The following CHD3 variants were observed in gnomAD, a reference collection of about 807,000 sequenced individuals.
The protein encoded by CHD3 is chromodomain helicase DNA binding protein 3, also known as ATP-dependent chromatin remodeler CHD3.
Under a neutral mutation model 248.9 loss-of-function variants are expected in CHD3, and 52 were observed. The observed-to-expected ratio is 0.21, with a 90% CI of 0.17 to 0.26. The LOEUF is 0.26. Among genes scored for constraint, CHD3 ranks in the 10% least tolerant of loss-of-function variants. The pLI is 1.00. For missense variants in CHD3, 1,482 were observed against 2,605.8 expected (o/e 0.57, Z 9.39); for synonymous variants, 985 against 985.2 (o/e 1.00, Z 0.00).
chr17:7,900,215 A>T lies in CHD3; in HGVS notation c.2683-75A>T, dbSNP rs1970145136. On this transcript the variant is annotated intron_variant, in intron 16 of 39. Transcript: ENST00000330494. The surrounding 1 kb of genome is among the most constrained non-coding windows in gnomAD (Gnocchi z 6.5). ...GAGTGAAATGGGAGCTGGGGCAGGG[A>T]AAGGCTGATGCTGTGGGTCGGTCAC... 6.3e-7 allele frequency: 1 copy of T among 1,596,236 alleles called. No homozygotes were observed. The highest frequency in any genetic ancestry group is 8.6e-7 in the Non-Finnish European group (1 of 1,168,732).
rs201923001 is a variant in CHD3, at chr17:7,910,821, C to T, written c.5755-26C>T. On this transcript the variant is annotated intron_variant, in intron 38 of 39. Coordinates refer to ENST00000330494, the MANE Select transcript of CHD3 (RefSeq NM_001005273.3). This position sits in a 1 kb window ranked among gnomAD's most constrained non-coding sequence, Gnocchi z 4.7. ...CCTCTCACAGACTATGAACTAACTC[C>T]AACTTCTGCTTCCTCTCTGTTCCAG... 6.3e-7 allele frequency: 1 copy of T among 1,583,718 alleles called. No homozygotes were observed. Among genetic ancestry groups the T allele is most frequent in the East Asian group, 2.2e-5 (1 of 44,596 alleles).
chr17:7,884,802 A>G, upstream of CHD3: 2 of 613,242 alleles, frequency 3.3e-6, no homozygotes, highest in Non-Finnish European at 5.0e-6. Flanking sequence ...GGCCAGAGCC[A>G]CAGGATGGCT....
rs1048983306 is a variant in CHD3, at chr17:7,907,551, A to G, written c.4925-50A>G. ...TTTGGGATTTCCCTCTTCTGGGGTC[A>G]GGGGATGAGGGTAACATCCTCCCTT... On this transcript the variant is annotated intron_variant, in intron 32 of 39. Coordinates refer to ENST00000330494, the MANE Select transcript of CHD3 (RefSeq NM_001005273.3). The surrounding 1 kb of genome is among the most constrained non-coding windows in gnomAD (Gnocchi z 4.3). 3.9e-6 allele frequency: 6 copies of G among 1,527,920 alleles called. No homozygotes were observed. The highest frequency in any genetic ancestry group is 5.3e-6 in the Non-Finnish European group (6 of 1,138,284). 94.6% of individuals were successfully genotyped at this position (1,527,920 alleles called of 1,614,324 possible).
In CHD3 at chr17:7,904,683, C is replaced by A; in HGVS notation, c.4072+64C>A. On this transcript the variant is annotated intron_variant, in intron 25 of 39. Coordinates refer to ENST00000330494, the MANE Select transcript of CHD3 (RefSeq NM_001005273.3). The surrounding 1 kb of genome is among the most constrained non-coding windows in gnomAD (Gnocchi z 4.4). ...GTGATGATGAGTAGGGACTTGAAGG[C>A]TGGAGCTATTTAGAGGGAAAGAGAG... 6.9e-7 allele frequency: 1 copy of A among 1,443,834 alleles called. No individual in the cohort carries two copies. The highest frequency in any genetic ancestry group is 9.5e-7 in the Non-Finnish European group (1 of 1,049,870). 89.4% of individuals were successfully genotyped at this position (1,443,834 alleles called of 1,614,324 possible).
At position 7,889,793 on chromosome 17, in the gene CHD3, C is replaced by T. The variant is rs1968558553; in HGVS notation, c.213+17C>T. 6.3e-7 allele frequency: 1 copy of T among 1,595,640 alleles called. No homozygotes were observed. The highest frequency in any genetic ancestry group is 8.6e-7 in the Non-Finnish European group (1 of 1,167,966). On this transcript the variant is annotated intron_variant, in intron 2 of 39. Transcript: ENST00000330494. This position sits in a 1 kb window ranked among gnomAD's most constrained non-coding sequence, Gnocchi z 4.5. ...AAGAAGCGTGTAAGTGTCAAGAATT[C>T]CTAACTCTGTGGCAAGGCTCAAGAG...
chr17:7,892,775 G>C (rs1023553279), intron 4 of CHD3, among the ~76,000 whole-genome samples: 1 of 152,034 alleles, frequency 6.6e-6, no homozygotes, highest in Admixed American at 6.6e-5. Flanking sequence ...GATTACAGGC[G>C]TGAGCCACTG....
intron 4 of CHD3, 64 bp from the exon 5 acceptor site, chr17:7,893,222 G>A: frequency 6.7e-7 from 1 of 1,500,420 alleles, no homozygotes; most frequent in Non-Finnish European, 8.9e-7. Flanking sequence ...AATTGATGAG[G>A]GGAGATGGCA....
Position 7,908,366 on chromosome 17 carries a change from C to A in CHD3, c.5153-36C>A. ...GTTGGACTGAGTGCAGTCTGCAAAA[C>A]CCTGTTACCTCTTCTGTCTGCTGCC... On this transcript the variant is annotated intron_variant, in intron 34 of 39. Transcript: ENST00000330494. The surrounding 1 kb of genome is among the most constrained non-coding windows in gnomAD (Gnocchi z 5.8). 6.4e-7 allele frequency: 1 copy of A among 1,557,208 alleles called. No individual in the cohort carries two copies. Among genetic ancestry groups the A allele is most frequent in the Non-Finnish European group, 8.8e-7 (1 of 1,135,758 alleles).
chr17:7,893,148 A>G (rs1969127938), intron 4 of CHD3, 138 bp from the exon 5 acceptor site: 1 of 1,237,056 alleles, frequency 8.1e-7, no homozygotes, highest in Non-Finnish European at 1.1e-6. Context: ...ATTTTTTTAA[A>G]TGGCTGTTTT....
Position 7,903,107 on chromosome 17 carries a change from T to G in CHD3, c.3495+46T>G. 1 of 1,598,168 alleles carries G rather than the reference T, an allele frequency of 6.3e-7. No homozygotes were observed. Among genetic ancestry groups the G allele is most frequent in the Non-Finnish European group, 8.6e-7 (1 of 1,168,568 alleles). On this transcript the variant is annotated intron_variant, in intron 22 of 39. Coordinates refer to ENST00000330494, the MANE Select transcript of CHD3 (RefSeq NM_001005273.3). This position sits in a 1 kb window ranked among gnomAD's most constrained non-coding sequence, Gnocchi z 6.8. The stretch of plus-strand genomic sequence containing the variant: ...ACCCCTGCACCATTTAGCAAGGAGA[T>G]GTGGGTTCATGGAGGAGGGTGTCAT...
At position 7,889,711 on chromosome 17, in the gene CHD3, A is replaced by G; in HGVS notation, c.148A>G (p.Arg50Gly). ...GCCGTCAGCATTGGGTGTGAAGAAG[A>G]GAAAACGAGGACCCAAGAAGCAGAA... ...LLPSALGVKK[R>G]KRGPKKQKEN... The change falls in exon 2 of 40, where the codon AGA (arginine) becomes GGA (glycine). Residue 50 changes from arginine (R) to glycine (G), a missense_variant. Around this residue, in one of 20 missense-constraint regions of CHD3, gnomAD observed 169 missense variants for 168.1 expected, o/e 1.01. Transcript: ENST00000330494. This position sits in a 1 kb window ranked among gnomAD's most constrained non-coding sequence, Gnocchi z 4.5. 6.2e-7 allele frequency: 1 copy of G among 1,613,728 alleles called. No homozygotes were observed. Among genetic ancestry groups the G allele is most frequent in the African/African-American group, 1.3e-5 (1 of 75,046 alleles).
In CHD3 at chr17:7,905,225, T is replaced by TA; in HGVS notation, c.4138+62dup. The TA allele has an allele frequency of 6.6e-7, 1 of 1,505,294 alleles. No homozygotes were observed. Among genetic ancestry groups the TA allele is most frequent in the Non-Finnish European group, 9.3e-7 (1 of 1,080,940 alleles). The allele number at this position is 1,505,294 out of a possible 1,614,324, so 93.2% of individuals were successfully genotyped here. A position where few individuals can be genotyped will look rare whatever the true frequency, so the allele number is the denominator to read the frequency against. On this transcript the variant is annotated intron_variant, in intron 26 of 39. Coordinates refer to ENST00000330494, the MANE Select transcript of CHD3 (RefSeq NM_001005273.3). This position sits in a 1 kb window ranked among gnomAD's most constrained non-coding sequence, Gnocchi z 5.8. Reference sequence around the variant, plus strand: ...TCCCGTTTTATTTTCCAGTTTGCTTTAAGCCCACTGTTTTTATACAAGTAA... The same window carrying TA: ...TCCCGTTTTATTTTCCAGTTTGCTTTAAAGCCCACTGTTTTTATACAAGTAA...
In CHD3 at chr17:7,904,282, A is replaced by C. The variant is rs1266893936; in HGVS notation, c.3895-160A>C. 1 of 671,812 alleles carries C rather than the reference A, an allele frequency of 1.5e-6. No individual in the cohort carries two copies. The highest frequency in any genetic ancestry group is 2.6e-6 in the Non-Finnish European group (1 of 390,074). The allele number at this position is 671,812 out of a possible 1,614,324, so 41.6% of individuals were successfully genotyped here. ...GAGCACATTGCAGGTAAGAGATGGC[A>C]TGGAACATGCGCAATGTCCAGAAAA... On this transcript the variant is annotated intron_variant, in intron 24 of 39. Coordinates refer to ENST00000330494, the MANE Select transcript of CHD3 (RefSeq NM_001005273.3). The surrounding 1 kb of genome is among the most constrained non-coding windows in gnomAD (Gnocchi z 4.4).
In CHD3 at chr17:7,899,298, C is replaced by T. The variant is rs543383697; in HGVS notation, c.2344-45C>T. On this transcript the variant is annotated intron_variant, in intron 14 of 39. Transcript: ENST00000330494. This position sits in a 1 kb window ranked among gnomAD's most constrained non-coding sequence, Gnocchi z 6.8. ...GTAGCTGGCAGAGGACTAGGGTATA[C>T]GGCCTCTAGCCTAGACTTATGCTGC... 7.5e-6 allele frequency: 12 copies of T among 1,603,738 alleles called. No homozygotes were observed. The highest frequency in any genetic ancestry group is 3.3e-5 in the Admixed American group (2 of 59,904).
Position 7,906,941 on chromosome 17 carries a change from A to T in CHD3, c.4576A>T (p.Lys1526Ter). ...GATGCCTGACCCCAGCGCCGATTCT[A>T]AGCGCTCCTCCAGAGCCTCCTCTCC... is the stretch of plus-strand genomic sequence containing the variant. ...ELMPDPSADS[K>*]RSSRASSPTK... Residue 1526 changes from lysine (K) to a stop codon, truncating the protein, a stop_gained, in exon 30 of 40, where the codon AAG (lysine) becomes TAG (stop). Transcript: ENST00000330494. LOFTEE classifies it high-confidence loss of function. The surrounding 1 kb of genome is among the most constrained non-coding windows in gnomAD (Gnocchi z 5.0). 6.2e-7 allele frequency: 1 copy of T among 1,614,086 alleles called. No homozygotes were observed. The highest frequency in any genetic ancestry group is 8.5e-7 in the Non-Finnish European group (1 of 1,180,000).
Position 7,891,199 on chromosome 17 carries a change from G to A in CHD3, c.509+135G>A, listed in dbSNP as rs191560114. 85 of 1,047,948 alleles carry A rather than the reference G, an allele frequency of 8.1e-5. No individual in the cohort carries two copies. In the African/African-American group the frequency reaches 1.0e-3, roughly 13 times the overall value. The allele number at this position is 1,047,948 out of a possible 1,614,324, so 64.9% of individuals were successfully genotyped here. On this transcript the variant is annotated intron_variant, in intron 4 of 39. Transcript: ENST00000330494. ...GGTGTATACACACCAAATTCTACACGTCATTTCAGGGAACTCCTAGACTCA... is the reference window on the plus strand; with the variant it reads ...GGTGTATACACACCAAATTCTACACATCATTTCAGGGAACTCCTAGACTCA...
Position 7,904,497 on chromosome 17 carries a change from A to G in CHD3, c.3950A>G (p.Tyr1317Cys). 6.2e-7 allele frequency: 1 copy of G among 1,614,080 alleles called. No individual in the cohort carries two copies. The highest frequency in any genetic ancestry group is 8.5e-7 in the Non-Finnish European group (1 of 1,180,018). Residue 1317 changes from tyrosine (Y) to cysteine (C), a missense_variant, in exon 25 of 40, where the codon TAC becomes TGC. Coordinates refer to ENST00000330494, the MANE Select transcript of CHD3 (RefSeq NM_001005273.3). This position sits in a 1 kb window ranked among gnomAD's most constrained non-coding sequence, Gnocchi z 4.4. ...IKQEENVDPDYWEKLLRHHYE... is the reference protein window; with the variant it reads ...IKQEENVDPDCWEKLLRHHYE... ...CAGGAGGAGAATGTGGACCCTGACT[A>G]CTGGGAGAAGCTGCTGAGGCATCAC... is the stretch of plus-strand genomic sequence containing the variant.
Position 7,900,819 on chromosome 17 carries a change from A to C in CHD3, c.2979-33A>C. Reference sequence around the variant, plus strand: ...AATATCATAATTGCTTCCTTTATTTATGTTTCTTTTACACCCCTTTCCTGG... The same window carrying C: ...AATATCATAATTGCTTCCTTTATTTCTGTTTCTTTTACACCCCTTTCCTGG... On this transcript the variant is annotated intron_variant, in intron 18 of 39. Coordinates refer to ENST00000330494, the MANE Select transcript of CHD3 (RefSeq NM_001005273.3). This position sits in a 1 kb window ranked among gnomAD's most constrained non-coding sequence, Gnocchi z 6.5. The C allele has an allele frequency of 6.2e-7, 1 of 1,611,756 alleles. No homozygotes were observed. The highest frequency in any genetic ancestry group is 8.5e-7 in the Non-Finnish European group (1 of 1,178,498).
At chr17:7,892,660 CTAAT>C (rs1214057955) in intron 4 of CHD3, among the ~76,000 whole-genome samples, 2 of 152,068 alleles carry the variant, frequency 1.3e-5, no homozygotes, top group Non-Finnish European at 2.9e-5. Flanking sequence ...CTACACCCAG[CTAAT>C]TTTTGTATTT....
Sources: allele counts gnomAD v4.1 joint callset (sites outside exome capture counted in the v4.1 genomes callset), GRCh38; gene constraint gnomAD v4.1.1; regional missense constraint gnomAD v4.1.1; non-coding constraint Gnocchi (gnomAD v3.1); transcripts MANE v1.5; gene names NCBI Gene and HGNC (gene_info 2026-07-23, HGNC 2026-07-21).